Variants in COLEC10 observed in about 807,000 individuals in gnomAD.
The protein encoded by COLEC10 is collectin-10.
Under a neutral mutation model 28.4 loss-of-function variants are expected in COLEC10, and 22 were observed. The observed-to-expected ratio is 0.78, with a 90% CI of 0.55 to 1.11. COLEC10 has a LOEUF of 1.11. Among genes scored for constraint, COLEC10 ranks in the 50% least tolerant of loss-of-function variants. COLEC10 has a pLI of 0.00. For synonymous variants in COLEC10, 125 were observed against 116.1 expected (o/e 1.08, Z -0.49); for missense variants, 361 against 344.1 (o/e 1.05, Z -0.39).
intron 1 of COLEC10, among the ~76,000 whole-genome samples, chr8:119,069,623 AAAAAAAATATATAT>A (rs1167440089): frequency 1.3e-4 from 7 of 54,352 alleles, no homozygotes; most frequent in African/African-American, 5.7e-4. Flanking sequence ...AAAAAAAAAA[AAAAAAAATATATAT>A]ATATATATAT....
chr8:119,077,270 C>G (rs981354909), intron 1 of COLEC10, among the ~76,000 whole-genome samples: 29 of 52,900 alleles, frequency 5.5e-4, no homozygotes, highest in Non-Finnish European at 1.1e-3. Flanking sequence ...TTTTTTTTGC[C>G]TCTCCATGAT....
chr8:118,994,615 G>A (rs893691548), upstream of COLEC10, among the ~76,000 whole-genome samples: 6 of 152,084 alleles, frequency 3.9e-5, no homozygotes, highest in Admixed American at 3.9e-4. Context: ...GCCAGTGAGA[G>A]CCATGAGGAG....
intron 2 of COLEC10, among the ~76,000 whole-genome samples, chr8:119,024,495 C>A (rs1195539931): frequency 6.6e-6 from 1 of 151,752 alleles, no homozygotes; most frequent in African/African-American, 2.4e-5. Flanking sequence ...TTTTCAAGAC[C>A]CAGTCCTCAT....
At chr8:119,102,267 C>A in intron 3 of COLEC10, 81 bp from the exon 4 acceptor site, 4 of 444,204 alleles carry the variant, frequency 9.0e-6, no homozygotes, top group Non-Finnish European at 1.5e-5. Flanking sequence ...TTCCTTCATT[C>A]CCTTCCTTCC....
At chr8:118,965,129 TA>T in the COLEC10 span, among the ~76,000 whole-genome samples, 3 of 152,208 alleles carry the variant, frequency 2.0e-5, no homozygotes. Flanking sequence ...GTGGATTTGA[TA>T]AGAAGTGCAA....
the COLEC10 span, among the ~76,000 whole-genome samples, chr8:118,956,724 C>T: frequency 6.6e-6 from 1 of 152,190 alleles, no homozygotes; most frequent in Non-Finnish European, 1.5e-5. Flanking sequence ...GAATACTCTA[C>T]ACCTACTCAG....
intron 1 of COLEC10, among the ~76,000 whole-genome samples, chr8:119,074,056 A>G (rs1466663357): frequency 6.6e-6 from 1 of 152,020 alleles, no homozygotes; most frequent in Non-Finnish European, 1.5e-5. Flanking sequence ...ACCTAGCTAT[A>G]CGATCTTAAG....
the COLEC10 span, among the ~76,000 whole-genome samples, chr8:118,963,002 G>A: frequency 6.6e-6 from 1 of 152,088 alleles, no homozygotes; most frequent in Admixed American, 6.6e-5. Context: ...ATCTAGTTGG[G>A]GAGACAGATT....
chr8:119,101,976 T>C (rs576582986), intron 3 of COLEC10, among the ~76,000 whole-genome samples: 1 of 149,460 alleles, frequency 6.7e-6, no homozygotes, highest in Non-Finnish European at 1.5e-5. Flanking sequence ...CAGAAGGCCA[T>C]GTTATTAAAA....
At chr8:119,088,976 A>G (rs1815536160) in intron 1 of COLEC10, among the ~76,000 whole-genome samples, 2 of 152,164 alleles carry the variant, frequency 1.3e-5, no homozygotes, top group African/African-American at 4.8e-5. Context: ...TTCTCCAGAT[A>G]GTGAGTGGTG....
At chr8:119,096,597 A>C (rs1272304089) in intron 3 of COLEC10, among the ~76,000 whole-genome samples, 1 of 152,080 alleles carries the variant, frequency 6.6e-6, no homozygotes, top group Non-Finnish European at 1.5e-5. Flanking sequence ...TCTCAAAAAT[A>C]AAATAAAATA....
At chr8:119,044,971 A>C (rs1217133694) in intron 2 of COLEC10, among the ~76,000 whole-genome samples, 2 of 152,160 alleles carry the variant, frequency 1.3e-5, no homozygotes, top group East Asian at 3.8e-4. Flanking sequence ...AAATAAAGGG[A>C]ATGAATTAGA....
intron 1 of COLEC10, among the ~76,000 whole-genome samples, chr8:118,997,769 A>G (rs577002416): frequency 6.6e-6 from 1 of 152,306 alleles, no homozygotes; most frequent in South Asian, 2.1e-4. Flanking sequence ...CTTCTGCATT[A>G]CTAGAAATTC....
rs546575378 is a variant in COLEC10 at position 119,090,136 on chromosome 8, A to T, written c.220+385A>T. On this transcript the variant is annotated intron_variant, in intron 2 of 5. Transcript: ENST00000332843. ...AGAGCTTAAGGAGGAAGATAAAAAG[A>T]AACAAAAAGGGCTACCTGATTCATT... is the stretch of plus-strand genomic sequence containing the variant. Among the ~76,000 whole-genome samples, 4 of 152,286 alleles carry T rather than the reference A, an allele frequency of 2.6e-5. No individual in the cohort carries two copies. The South Asian group carries it at 6.2e-4, about 24-fold the overall frequency.
At chr8:119,074,967 G>A (rs4876435) in intron 1 of COLEC10, among the ~76,000 whole-genome samples, 25,038 of 152,164 alleles carry the variant, frequency 0.16, 2,797 homozygotes, top group Middle Eastern at 0.28. Context: ...GAGTTAAGCC[G>A]CGTAAAGCTC....
Position 119,106,632 on chromosome 8 carries a change from G to A in COLEC10, c.*441G>A, listed in dbSNP as rs964045282. 6.3e-6 allele frequency: 1 copy of A among 159,982 alleles called. No individual in the cohort carries two copies. The highest frequency in any genetic ancestry group is 5.8e-5 in the Admixed American group (1 of 17,170). 9.9% of individuals were successfully genotyped at this position (159,982 alleles called of 1,614,324 possible). Reference sequence around the variant, plus strand: ...AGCCAGACATGTACAAGGGCTTTCTGTGAGCAATGATAAGATCTTTGAATC... The same window carrying A: ...AGCCAGACATGTACAAGGGCTTTCTATGAGCAATGATAAGATCTTTGAATC... On this transcript the variant is annotated 3_prime_UTR_variant, in exon 6 of 6. Coordinates refer to ENST00000332843, the MANE Select transcript of COLEC10 (RefSeq NM_006438.5).
upstream of COLEC10, among the ~76,000 whole-genome samples, chr8:118,995,253 A>T (rs186592053): frequency 1.4e-3 from 208 of 152,318 alleles, no homozygotes; most frequent in Middle Eastern, 3.4e-3. Context: ...GAAAATGCAT[A>T]TAAGTGCCTG....
At chr8:118,993,086 G>C (rs2130041600), upstream of COLEC10, among the ~76,000 whole-genome samples, 1 of 152,316 alleles carries the variant, frequency 6.6e-6, no homozygotes, top group African/African-American at 2.4e-5. Context: ...TTGCAAAACA[G>C]ATGTTAGTAT....
At chr8:119,054,568 G>A in intron 2 of COLEC10, among the ~76,000 whole-genome samples, 1 of 147,454 alleles carries the variant, frequency 6.8e-6, no homozygotes, top group South Asian at 2.1e-4. Context: ...GAGCTCGGCG[G>A]TACAATACTA....
Sources: gnomAD v4.1 joint callset for allele counts (sites outside exome capture counted in the v4.1 genomes callset) on GRCh38, gnomAD v4.1.1 for gene constraint, MANE v1.5 for transcripts, NCBI Gene and HGNC (gene_info 2026-07-23, HGNC 2026-07-21) for gene names.